The following SESTD1 variants were observed in gnomAD, a reference collection of about 807,000 sequenced individuals.
SESTD1 encodes the protein SEC14 domain and spectrin repeat-containing protein 1.
A neutral mutation model predicts 101.7 loss-of-function variants in SESTD1; 43 were observed. The observed-to-expected ratio is 0.42, with a 90% CI of 0.33 to 0.55. The LOEUF (loss-of-function observed/expected upper bound fraction) is 0.55, where lower values mean the gene tolerates loss of function less well. SESTD1 is among the 20% of genes least tolerant of loss of function. SESTD1 has a pLI of 0.07. For missense variants in SESTD1, 647 were observed against 815.1 expected, an observed-to-expected ratio of 0.79 and a Z score of 2.51; for synonymous variants, 283 against 286.8, an observed-to-expected ratio of 0.99 and a Z score of 0.13.
chr2:179,141,615 G>A (rs1171439371), intron 9 of SESTD1, among the ~76,000 whole-genome samples: 1 of 151,758 alleles, frequency 6.6e-6, no homozygotes, highest in Non-Finnish European at 1.5e-5. Flanking sequence ...TCTTGTAACA[G>A]TCCTATTAAG....
chr2:179,222,105 C>G (rs930088600), intron 1 of SESTD1, among the ~76,000 whole-genome samples: 3 of 152,138 alleles, frequency 2.0e-5, no homozygotes, highest in African/African-American at 7.2e-5. Flanking sequence ...GTGACCACCT[C>G]TTTTCTCTCT....
Position 179,105,259 on chromosome 2 carries a change from G to A in SESTD1, c.*4640C>T, listed in dbSNP as rs1293930221. The A allele has an allele frequency of 1.3e-5, 2 of 150,576 alleles. No individual in the cohort carries two copies. Among genetic ancestry groups the A allele is most frequent in the Admixed American group, 6.6e-5 (1 of 15,054 alleles). 9.3% of individuals were successfully genotyped at this position (150,576 alleles called of 1,614,324 possible). On this transcript the variant is annotated 3_prime_UTR_variant, in exon 18 of 18. Coordinates refer to ENST00000428443, the MANE Select transcript of SESTD1 (RefSeq NM_178123.5). ...TTGTTGTTTCTACTGGTCGGTGCTC[G>A]CTCACTAATATCCAATCCTAGTATG...
At chr2:179,185,562 T>TA (rs1370315422) in intron 2 of SESTD1, among the ~76,000 whole-genome samples, 20 of 133,196 alleles carry the variant, frequency 1.5e-4, no homozygotes, top group Non-Finnish European at 2.6e-4. Context: ...ATATGTTATA[T>TA]ATGTATATAA....
rs185420171 is a variant in SESTD1, at chr2:179,164,655, T to C, written c.369+7465A>G. 1.2e-3 allele frequency among the ~76,000 whole-genome samples: 183 copies of C among 152,170 alleles called. 1 individual carries two copies. The highest frequency in any genetic ancestry group is 2.2e-3 in the Non-Finnish European group (148 of 67,990). On this transcript the variant is annotated intron_variant, in intron 5 of 17. Transcript: ENST00000428443. The stretch of plus-strand genomic sequence containing the variant: ...GAGATAGGAAGGATATACAGAGAAA[T>C]ATTAAGGTTAGCAATGAGAGATGAA...
chr2:179,224,977 G>T (rs1202261419), intron 1 of SESTD1, among the ~76,000 whole-genome samples: 2 of 152,126 alleles, frequency 1.3e-5, no homozygotes, highest in South Asian at 4.1e-4. Flanking sequence ...ACTGAGGAGG[G>T]GGTCACGGGA....
intron 10 of SESTD1, among the ~76,000 whole-genome samples, chr2:179,129,638 C>G (rs968956462): frequency 2.6e-5 from 4 of 152,108 alleles, no homozygotes; most frequent in African/African-American, 9.7e-5. Flanking sequence ...CAAATTCTAC[C>G]GTTAACAGCT....
chr2:179,223,139 T>A (rs112116790), intron 1 of SESTD1, among the ~76,000 whole-genome samples: 3 of 152,102 alleles, frequency 2.0e-5, no homozygotes, highest in African/African-American at 7.2e-5. Flanking sequence ...ATATACGATA[T>A]AACGAGGATA....
rs2047122251 is a variant in SESTD1, at chr2:179,239,727, T to C, written c.-26+24772A>G. On this transcript the variant is annotated intron_variant, in intron 1 of 17. Transcript: ENST00000428443. Reference sequence around the variant, plus strand: ...TAAGATAGATTAAAACAATAAGGCATCATTTAGCACTACTAACGCTTTATT... The same window carrying C: ...TAAGATAGATTAAAACAATAAGGCACCATTTAGCACTACTAACGCTTTATT... 2.6e-5 allele frequency among the ~76,000 whole-genome samples: 4 copies of C among 152,192 alleles called. No homozygotes were observed. In the South Asian group the frequency reaches 8.3e-4, roughly 31 times the overall value.
chr2:179,179,538 G>C (rs2046071630), intron 3 of SESTD1, among the ~76,000 whole-genome samples: 1 of 152,096 alleles, frequency 6.6e-6, no homozygotes, highest in Admixed American at 6.6e-5. Flanking sequence ...AGCTCTGCTG[G>C]TACTTACATA....
intron 1 of SESTD1, among the ~76,000 whole-genome samples, chr2:179,234,806 C>A (rs2047042594): frequency 6.6e-6 from 1 of 151,924 alleles, no homozygotes; most frequent in African/African-American, 2.4e-5. Flanking sequence ...GACTGGAATT[C>A]TTTAAAAAAT....
In SESTD1 at chr2:179,210,501, T is replaced by C. The variant is rs1156532881; in HGVS notation, c.-25-18635A>G. Among the ~76,000 whole-genome samples the C allele has an allele frequency of 2.2e-5, 3 of 135,242 alleles. 1 individual carries two copies. The highest frequency in any genetic ancestry group is 8.8e-5 in the African/African-American group (3 of 34,278). The allele number at this position is 135,242 out of a possible 152,430, so 88.7% of individuals were successfully genotyped here. On this transcript the variant is annotated intron_variant, in intron 1 of 17. Coordinates refer to ENST00000428443, the MANE Select transcript of SESTD1 (RefSeq NM_178123.5). ...ATACACCATGACCAAGTGGGTTTCA[T>C]ACTAGGGATGCAGGGTTGGTTTAAC... is the stretch of plus-strand genomic sequence containing the variant.
intron 5 of SESTD1, among the ~76,000 whole-genome samples, chr2:179,156,775 T>C (rs1446807785): frequency 1.3e-5 from 2 of 152,232 alleles, no homozygotes; most frequent in Non-Finnish European, 2.9e-5. Flanking sequence ...GTAGGTTGTC[T>C]GTTTACTCTG....
chr2:179,199,340 G>A (rs1343780310), intron 1 of SESTD1, among the ~76,000 whole-genome samples: 3 of 152,068 alleles, frequency 2.0e-5, no homozygotes, highest in Admixed American at 1.3e-4. Flanking sequence ...AAGAGTCCAG[G>A]ACCAGATGGA....
Position 179,124,558 on chromosome 2 carries a change from C to T in SESTD1, c.973G>A (p.Glu325Lys), listed in dbSNP as rs1215172285. ...KHEEIESQHS[E>K]WFAVYVELNQ... ...AGTTCCACATACACTGCAAACCATT[C>T]CTGTAATCAAGATGTTACAAAGTAA... The change falls in exon 11 of 18, where the codon GAA becomes AAA. Residue 325 changes from glutamate (E) to lysine (K), a missense_variant and splice_region_variant. Physicochemically the swap from Glu to Lys is moderately conservative, Grantham distance 56. Transcript: ENST00000428443. 2.5e-6 allele frequency: 4 copies of T among 1,610,364 alleles called. No homozygotes were observed. The highest frequency in any genetic ancestry group is 3.4e-6 in the Non-Finnish European group (4 of 1,177,302).
intron 9 of SESTD1, among the ~76,000 whole-genome samples, chr2:179,134,582 T>C (rs2045094361): frequency 6.6e-6 from 1 of 152,218 alleles, no homozygotes; most frequent in Non-Finnish European, 1.5e-5. Flanking sequence ...GACTAACACA[T>C]ATATAGCAGT....
chr2:179,137,929 C>T (rs1271518359), intron 9 of SESTD1, among the ~76,000 whole-genome samples: 2 of 152,064 alleles, frequency 1.3e-5, no homozygotes, highest in Non-Finnish European at 2.9e-5. Flanking sequence ...ATGATTTGTG[C>T]TCTGTGTGAC....
intron 1 of SESTD1, among the ~76,000 whole-genome samples, chr2:179,205,877 T>C (rs1180671366): frequency 7.4e-6 from 1 of 134,514 alleles, no homozygotes; most frequent in African/African-American, 2.9e-5. Context: ...ACAAAAGAGA[T>C]GGCTAATAAA....
intron 15 of SESTD1, among the ~76,000 whole-genome samples, chr2:179,115,995 T>C (rs2044621772): frequency 6.6e-6 from 1 of 151,818 alleles, no homozygotes; most frequent in Admixed American, 6.6e-5. Context: ...ACTTTTTGGC[T>C]TGGCGCGGTG....
At chr2:179,262,233 G>A (rs867466522) in intron 1 of SESTD1, among the ~76,000 whole-genome samples, 4 of 152,144 alleles carry the variant, frequency 2.6e-5, no homozygotes, top group Non-Finnish European at 5.9e-5. Flanking sequence ...AAAGCTACCA[G>A]GTACAAGGTT....
Sources: allele counts gnomAD v4.1 joint callset (sites outside exome capture counted in the v4.1 genomes callset), GRCh38; gene constraint gnomAD v4.1.1; transcripts MANE v1.5; gene names NCBI Gene and HGNC (gene_info 2026-07-23, HGNC 2026-07-21).